Variants in FAM124A observed in about 807,000 individuals in gnomAD.
FAM124A encodes the protein protein FAM124A.
A neutral mutation model predicts 24.5 loss-of-function variants in FAM124A; 23 were observed. The observed-to-expected ratio is 0.94, with a 90% CI of 0.68 to 1.33. The LOEUF is 1.33. Among genes scored for constraint, FAM124A ranks in the 40% most tolerant of loss-of-function variants. FAM124A has a pLI of 0.00. For missense variants in FAM124A, 623 were observed against 722.8 expected (o/e 0.86, Z 1.58); for synonymous variants, 287 against 314.7 (o/e 0.91, Z 0.93).
chr13:51,273,536 T>C (rs1954858639), intron 3 of FAM124A, among the ~76,000 whole-genome samples: 1 of 152,148 alleles, frequency 6.6e-6, no homozygotes, highest in African/African-American at 2.4e-5. Flanking sequence ...GCCTCCTGAG[T>C]AGCTGGGACT....
intron 3 of FAM124A, among the ~76,000 whole-genome samples, chr13:51,269,157 T>C (rs1297846302): frequency 2.0e-5 from 3 of 152,236 alleles, no homozygotes; most frequent in Non-Finnish European, 4.4e-5. Context: ...GCTGTCTGTG[T>C]GCAACCTCAG....
At chr13:51,253,891 A>G (rs1204897928) in intron 3 of FAM124A, among the ~76,000 whole-genome samples, 1 of 152,216 alleles carries the variant, frequency 6.6e-6, no homozygotes, top group Non-Finnish European at 1.5e-5. Context: ...CCCTTGTTCA[A>G]ATAGTAATAT....
rs762589034 is a variant in FAM124A at position 51,280,717 on chromosome 13, A to G, written c.1102A>G (p.Thr368Ala). ...AAGCAAGTCCTTGTTTTGTTTGCCC[A>G]CGGGAGGCCCCTCCCTGGCCTCCTC... ...QRSKSLFCLP[T>A]GGPSLASSAE... Residue 368 changes from threonine to alanine, a missense_variant, in exon 4 of 4, where the codon ACG becomes GCG. Thr to Ala is a moderately conservative substitution (Grantham distance 58). Transcript: ENST00000322475. The G allele has an allele frequency of 6.2e-7, 1 of 1,614,128 alleles. No individual in the cohort carries two copies. Among genetic ancestry groups the G allele is most frequent in the Non-Finnish European group, 8.5e-7 (1 of 1,180,014 alleles).
At chr13:51,257,568 C>A (rs1313102726) in intron 3 of FAM124A, among the ~76,000 whole-genome samples, 5 of 152,154 alleles carry the variant, frequency 3.3e-5, no homozygotes, top group Non-Finnish European at 7.3e-5. Flanking sequence ...CAAGGGCTTC[C>A]CATGGCCCTT....
chr13:51,281,332 G>A lies in FAM124A; in HGVS notation c.*76G>A. 7.3e-7 allele frequency: 1 copy of A among 1,365,502 alleles called. No individual in the cohort carries two copies. Among genetic ancestry groups the A allele is most frequent in the Non-Finnish European group, 9.8e-7 (1 of 1,019,492 alleles). The allele number at this position is 1,365,502 out of a possible 1,614,324, so 84.6% of individuals were successfully genotyped here. On this transcript the variant is annotated 3_prime_UTR_variant, in exon 4 of 4. Transcript: ENST00000322475. ...AGGCCCCACTGCCCCTCTGGCCACT[G>A]AGCACACCACATTCTTCATGATCCA...
rs547884695 is a variant in FAM124A, at chr13:51,280,335, G to C, written c.835-115G>C. ...AGAGATTGCAGAACTGGTAATGCTG[G>C]TAATGCTTTATTGCCATGACATTGC... is the stretch of plus-strand genomic sequence containing the variant. On this transcript the variant is annotated intron_variant, in intron 3 of 3. Coordinates refer to ENST00000322475, the MANE Select transcript of FAM124A (RefSeq NM_001242312.2). 4 of 910,254 alleles carry C rather than the reference G, an allele frequency of 4.4e-6. No individual in the cohort carries two copies. In the South Asian group the frequency reaches 7.4e-5, roughly 17 times the overall value. The allele number at this position is 910,254 out of a possible 1,614,324, so 56.4% of individuals were successfully genotyped here. A position where few individuals can be genotyped will look rare whatever the true frequency, so the allele number is the denominator to read the frequency against.
intron 3 of FAM124A, among the ~76,000 whole-genome samples, chr13:51,263,680 G>C (rs1954758763): frequency 6.6e-6 from 1 of 152,166 alleles, no homozygotes. Context: ...TCTGCTTATT[G>C]GGAATTTCCT....
chr13:51,222,484 G>A lies in FAM124A; in HGVS notation c.-18G>A, dbSNP rs1954270141. The A allele has an allele frequency of 8.2e-7, 1 of 1,215,118 alleles. No homozygotes were observed. The highest frequency in any genetic ancestry group is 3.4e-5 in the East Asian group (1 of 29,470). 75.3% of individuals were successfully genotyped at this position (1,215,118 alleles called of 1,614,324 possible). Reference sequence around the variant, plus strand: ...TCACGACGGCGCCCGCAAGCCGAGCGCGGCCGGGACGTGCACCATGGACCC... The same window carrying A: ...TCACGACGGCGCCCGCAAGCCGAGCACGGCCGGGACGTGCACCATGGACCC... On this transcript the variant is annotated 5_prime_UTR_variant, in exon 1 of 4. Coordinates refer to ENST00000322475, the MANE Select transcript of FAM124A (RefSeq NM_001242312.2).
At chr13:51,256,029 T>C (rs974265533) in intron 3 of FAM124A, among the ~76,000 whole-genome samples, 2 of 152,236 alleles carry the variant, frequency 1.3e-5, no homozygotes, top group Non-Finnish European at 2.9e-5. Context: ...GGTTGTGCAC[T>C]GTTCCTTTCT....
intron 3 of FAM124A, among the ~76,000 whole-genome samples, chr13:51,270,664 T>TC (rs1344181959): frequency 6.6e-6 from 1 of 152,188 alleles, no homozygotes. Flanking sequence ...ATCAACATTT[T>TC]CCCCCCTTAG....
chr13:51,268,511 C>T (rs770368820), intron 3 of FAM124A, among the ~76,000 whole-genome samples: 4 of 152,226 alleles, frequency 2.6e-5, no homozygotes, highest in Non-Finnish European at 5.9e-5. Flanking sequence ...TGGCTTAGCT[C>T]AGTCTTTTAG....
At chr13:51,264,600 A>G (rs1954767786) in intron 3 of FAM124A, among the ~76,000 whole-genome samples, 1 of 151,974 alleles carries the variant, frequency 6.6e-6, no homozygotes, top group Non-Finnish European at 1.5e-5. Flanking sequence ...TAGCCACTGC[A>G]CTCCAGCCTG....
intron 3 of FAM124A, among the ~76,000 whole-genome samples, chr13:51,261,359 G>A (rs1954735357): frequency 6.6e-6 from 1 of 152,148 alleles, no homozygotes; most frequent in Admixed American, 6.5e-5. Context: ...GAAGGAAATC[G>A]CTATTTCAGC....
intron 1 of FAM124A, 48 bp downstream of exon 1, chr13:51,222,617 G>A: frequency 8.2e-7 from 1 of 1,214,418 alleles, no homozygotes. Context: ...TCTCCGAGTT[G>A]CGCGGCGGCT....
intron 1 of FAM124A, among the ~76,000 whole-genome samples, chr13:51,225,629 A>G (rs1235399634): frequency 1.3e-5 from 2 of 152,182 alleles, no homozygotes; most frequent in Admixed American, 1.3e-4. Context: ...GAGATCAACT[A>G]TGCTACTGAG....
chr13:51,271,484 A>T (rs1954840008), intron 3 of FAM124A, among the ~76,000 whole-genome samples: 1 of 152,194 alleles, frequency 6.6e-6, no homozygotes, highest in Non-Finnish European at 1.5e-5. Flanking sequence ...AGCTAGGCAG[A>T]AGGGAAAAAT....
At chr13:51,229,695 G>T (rs559406171) in intron 1 of FAM124A, among the ~76,000 whole-genome samples, 7 of 152,198 alleles carry the variant, frequency 4.6e-5, no homozygotes, top group African/African-American at 1.4e-4. Context: ...ATCTTAAGAT[G>T]ATTTTATTGT....
intron 2 of FAM124A, among the ~76,000 whole-genome samples, chr13:51,236,639 T>C (rs934723633): frequency 6.6e-6 from 1 of 152,244 alleles, no homozygotes; most frequent in Non-Finnish European, 1.5e-5. Flanking sequence ...ATATGATCTG[T>C]GTTTCCATAT....
At chr13:51,228,668 G>T (rs922683869) in intron 1 of FAM124A, among the ~76,000 whole-genome samples, 6 of 152,206 alleles carry the variant, frequency 3.9e-5, no homozygotes, top group African/African-American at 1.4e-4. Flanking sequence ...GAAATACCTG[G>T]TTATTCTCTG....
Sources: allele counts gnomAD v4.1 joint callset (sites outside exome capture counted in the v4.1 genomes callset), GRCh38; gene constraint gnomAD v4.1.1; transcripts MANE v1.5; gene names NCBI Gene and HGNC (gene_info 2026-07-23, HGNC 2026-07-21).